CSNK1G3: variants seen among roughly 807,000 people sequenced by gnomAD.
CSNK1G3 encodes the protein casein kinase I isoform gamma-3.
In CSNK1G3, 23 loss-of-function variants were observed where a neutral mutation model predicts 64.3. The ratio of observed to expected loss-of-function variants is 0.36; its 90% CI spans 0.26 to 0.51. CSNK1G3 has a LOEUF of 0.51. Ranked by LOEUF, CSNK1G3 falls within the 20% of genes least tolerant of loss-of-function variation. The pLI, the probability that CSNK1G3 is intolerant of heterozygous loss-of-function variation, is 0.96. For missense variants in CSNK1G3, 357 were observed against 510.5 expected, an observed-to-expected ratio of 0.70 and a Z score of 2.90; for synonymous variants, 158 against 162.2, an observed-to-expected ratio of 0.97 and a Z score of 0.20.
At chr5:123,513,343 G>A (rs1364039658) in intron 1 of CSNK1G3, among the ~76,000 whole-genome samples, 1 of 152,068 alleles carries the variant, frequency 6.6e-6, no homozygotes, top group African/African-American at 2.4e-5. Flanking sequence ...TGGGGTGGGG[G>A]TAGTGAGGCC....
intron 12 of CSNK1G3, among the ~76,000 whole-genome samples, chr5:123,608,333 A>G (rs1473431765): frequency 6.6e-6 from 1 of 152,140 alleles, no homozygotes; most frequent in African/African-American, 2.4e-5. Context: ...TTTCCAAATG[A>G]TGGAAAATAC....
At chr5:123,545,039 A>G (rs1037966018) in intron 1 of CSNK1G3, among the ~76,000 whole-genome samples, 2 of 152,112 alleles carry the variant, frequency 1.3e-5, no homozygotes, top group East Asian at 1.9e-4. Context: ...TATTTTTATA[A>G]TTCATTCTCT....
chr5:123,569,169 A>G (rs2150604764), intron 4 of CSNK1G3, among the ~76,000 whole-genome samples: 1 of 152,302 alleles, frequency 6.6e-6, no homozygotes, highest in South Asian at 2.1e-4. Context: ...TTTGAAAATG[A>G]TAGGGTAATT....
At chr5:123,591,396 G>T (rs2150984011) in exon 10 of CSNK1G3, 1 of 1,607,832 alleles carries the variant, frequency 6.2e-7, no homozygotes, top group South Asian at 1.1e-5. Context: ...GAGATAAGAT[G>T]CAACAATCCA....
chr5:123,522,921 A>T (rs1778382586), intron 1 of CSNK1G3, among the ~76,000 whole-genome samples: 1 of 152,178 alleles, frequency 6.6e-6, no homozygotes, highest in Non-Finnish European at 1.5e-5. Context: ...GGGGAAATTT[A>T]TCAAATATAA....
intron 1 of CSNK1G3, among the ~76,000 whole-genome samples, chr5:123,536,714 T>G (rs1278465536): frequency 6.6e-6 from 1 of 152,010 alleles, no homozygotes; most frequent in Admixed American, 6.6e-5. Flanking sequence ...AATAAAATAT[T>G]AAGTTCATTA....
In CSNK1G3 at chr5:123,596,675, G is replaced by A. The variant is rs533299261; in HGVS notation, c.1086+5261G>A. On this transcript the variant is annotated intron_variant, in intron 10 of 12. Coordinates refer to ENST00000345990, the Ensembl canonical transcript of CSNK1G3. ...TCACAGAGATGTTTGAACATTGCTCGTTTCTCATTATTTCTAAGAGTTTTC... is the reference window on the plus strand; with the variant it reads ...TCACAGAGATGTTTGAACATTGCTCATTTCTCATTATTTCTAAGAGTTTTC... 3.3e-5 allele frequency among the ~76,000 whole-genome samples: 5 copies of A among 152,094 alleles called. No individual in the cohort carries two copies. The East Asian group carries it at 7.7e-4, about 23-fold the overall frequency.
intron 12 of CSNK1G3, among the ~76,000 whole-genome samples, chr5:123,611,957 A>C (rs1025093843): frequency 6.6e-6 from 1 of 152,202 alleles, no homozygotes; most frequent in African/African-American, 2.4e-5. Context: ...TTGAGATTTG[A>C]GAAATATTAG....
chr5:123,539,738 G>T (rs565390371), intron 1 of CSNK1G3, among the ~76,000 whole-genome samples: 1 of 152,248 alleles, frequency 6.6e-6, no homozygotes, highest in Middle Eastern at 3.4e-3. Flanking sequence ...CTTTAGAACA[G>T]TATTACTTTT....
In CSNK1G3 at chr5:123,538,320, A is replaced by G. The variant is rs536247740; in HGVS notation, c.-247-7097A>G. ...ACTTTTTTGAGAGTTCCAGTTCTTC[A>G]TTCTTACCAACACTTGATATTGTCA... On this transcript the variant is annotated intron_variant, in intron 1 of 12. Transcript: ENST00000345990. Among the ~76,000 whole-genome samples the G allele has an allele frequency of 2.6e-5, 4 of 152,236 alleles. No individual in the cohort carries two copies. The South Asian group carries it at 8.3e-4, about 32-fold the overall frequency.
chr5:123,604,993 A>T (rs1795103386), intron 11 of CSNK1G3, among the ~76,000 whole-genome samples, 163 bp downstream of exon 12: 1 of 152,146 alleles, frequency 6.6e-6, no homozygotes, highest in South Asian at 2.1e-4. Flanking sequence ...ATGAGTTTAA[A>T]ATAGTGCTAT....
chr5:123,522,815 C>T (rs963537929), intron 1 of CSNK1G3, among the ~76,000 whole-genome samples: 2 of 152,074 alleles, frequency 1.3e-5, no homozygotes, highest in Non-Finnish European at 2.9e-5. Flanking sequence ...TACTTAGCAT[C>T]CTTAGTGAGG....
chr5:123,600,082 G>A (rs1794175236), intron 10 of CSNK1G3, among the ~76,000 whole-genome samples: 1 of 143,666 alleles, frequency 7.0e-6, no homozygotes, highest in Admixed American at 6.9e-5. Context: ...GTTTCATATA[G>A]TATATGTATA....
chr5:123,524,836 G>C (rs1778750398), intron 1 of CSNK1G3, among the ~76,000 whole-genome samples: 1 of 152,136 alleles, frequency 6.6e-6, no homozygotes, highest in Non-Finnish European at 1.5e-5. Flanking sequence ...TGTGTATGTG[G>C]TCTCTTTTCT....
exon 1 of CSNK1G3, chr5:123,512,280 A>T (rs773166611): frequency 6.6e-6 from 1 of 152,650 alleles, no homozygotes; most frequent in Non-Finnish European, 1.5e-5. Context: ...TCCGGGCTGC[A>T]TCGGTGGCGA....
chr5:123,571,551 TGA>T (rs1368333378), intron 4 of CSNK1G3, among the ~76,000 whole-genome samples: 4 of 152,144 alleles, frequency 2.6e-5, no homozygotes, highest in African/African-American at 9.7e-5. Flanking sequence ...GAGGCCCACT[TGA>T]GAGGTTGAAT....
At chr5:123,544,207 C>T (rs36048468) in intron 1 of CSNK1G3, among the ~76,000 whole-genome samples, 22,487 of 152,186 alleles carry the variant, frequency 0.15, 2,022 homozygotes, top group Non-Finnish European at 0.21. Context: ...ATAAAATCCC[C>T]ACCAAGCCTT....
At chr5:123,526,619 C>G (rs916920412) in intron 1 of CSNK1G3, among the ~76,000 whole-genome samples, 27 of 152,206 alleles carry the variant, frequency 1.8e-4, no homozygotes, top group Admixed American at 1.4e-3. Context: ...TTTTCTCTTT[C>G]TATAATTTTG....
chr5:123,514,233 T>C (rs183464891), intron 1 of CSNK1G3, among the ~76,000 whole-genome samples: 20 of 152,348 alleles, frequency 1.3e-4, no homozygotes, highest in Admixed American at 1.1e-3. Flanking sequence ...GAGAAACGAT[T>C]GTCTTTACTG....
Sources: allele counts gnomAD v4.1 joint callset (sites outside exome capture counted in the v4.1 genomes callset), GRCh38; gene constraint gnomAD v4.1.1; transcripts MANE v1.5; gene names NCBI Gene and HGNC (gene_info 2026-07-23, HGNC 2026-07-21).